TRPM7: variants seen among roughly 807,000 people sequenced by gnomAD.
The protein encoded by TRPM7 is transient receptor potential cation channel subfamily M member 7, also known as LTRPC ion channel family member 7.
TRPM7 carries 134 observed loss-of-function variants against 229.7 expected under a neutral mutation model. The observed-to-expected ratio is 0.58, with a 90% confidence interval of 0.51 to 0.67. The LOEUF is 0.67. Ranked by LOEUF, TRPM7 falls within the 30% of genes least tolerant of loss-of-function variation. The pLI is 0.00. For missense variants in TRPM7, 1,901 were observed against 2,210.0 expected (o/e 0.86, Z 2.80); for synonymous variants, 699 against 715.2 (o/e 0.98, Z 0.36).
intron 27 of TRPM7, among the ~76,000 whole-genome samples, chr15:50,587,560 C>T (rs536857484): frequency 2.0e-5 from 3 of 151,886 alleles, no homozygotes; most frequent in Non-Finnish European, 4.4e-5. Context: ...ATTTTCAGCA[C>T]GTTTTTTCTT....
At chr15:50,653,123 C>T (rs879764779) in intron 3 of TRPM7, among the ~76,000 whole-genome samples, 3 of 152,038 alleles carry the variant, frequency 2.0e-5, no homozygotes, top group Non-Finnish European at 4.4e-5. Flanking sequence ...CAGTCTGGGC[C>T]ACAGAGTGAG....
chr15:50,589,543 G>T, intron 27 of TRPM7, 49 bp downstream of exon 27: 1 of 1,270,550 alleles, frequency 7.9e-7, no homozygotes, highest in Non-Finnish European at 1.1e-6. Flanking sequence ...TAAACATCAA[G>T]ACAGTAAAAT....
At chr15:50,588,936 G>A (rs2059410721) in intron 27 of TRPM7, among the ~76,000 whole-genome samples, 1 of 152,052 alleles carries the variant, frequency 6.6e-6, no homozygotes, top group African/African-American at 2.4e-5. Flanking sequence ...TAAGAGTCAG[G>A]GTCATGTTCA....
intron 19 of TRPM7, among the ~76,000 whole-genome samples, chr15:50,608,052 C>CAA (rs570861548): frequency 0.067 from 5,088 of 76,014 alleles, 256 homozygotes; most frequent in African/African-American, 0.16. Flanking sequence ...GAGACTCTGT[C>CAA]AAAAAAAAAA....
intron 3 of TRPM7, among the ~76,000 whole-genome samples, chr15:50,655,063 T>A (rs2061523208): frequency 1.1e-5 from 1 of 90,312 alleles, no homozygotes; most frequent in African/African-American, 3.9e-5. Flanking sequence ...ATGGAGAATG[T>A]AGAAATAAGA....
intron 21 of TRPM7, among the ~76,000 whole-genome samples, chr15:50,601,264 T>A (rs931218127): frequency 6.6e-6 from 1 of 152,210 alleles, no homozygotes; most frequent in African/African-American, 2.4e-5. Flanking sequence ...AAAGCCTAAA[T>A]GACAACCACT....
intron 38 of TRPM7, among the ~76,000 whole-genome samples, chr15:50,567,163 T>G (rs1015385597): frequency 1.3e-5 from 2 of 152,092 alleles, no homozygotes. Flanking sequence ...ATTTTTTTAT[T>G]TTTTATTTTT....
intron 3 of TRPM7, among the ~76,000 whole-genome samples, chr15:50,657,530 A>G (rs1439596638): frequency 6.6e-6 from 1 of 151,984 alleles, no homozygotes; most frequent in Non-Finnish European, 1.5e-5. Context: ...CTTCCCATAC[A>G]CTGCTCTCGC....
chr15:50,608,350 C>T (rs1381052078), intron 19 of TRPM7, among the ~76,000 whole-genome samples: 1 of 122,416 alleles, frequency 8.2e-6, no homozygotes, highest in Non-Finnish European at 1.7e-5. Flanking sequence ...AGAATCCTCT[C>T]ATCTGTCTTT....
intron 21 of TRPM7, among the ~76,000 whole-genome samples, chr15:50,603,172 C>A (rs775617424): frequency 1.3e-5 from 2 of 152,094 alleles, no homozygotes; most frequent in Non-Finnish European, 2.9e-5. Context: ...AAGACACATT[C>A]TCTTGGAGGG....
At chr15:50,612,408 TTATA>T in intron 16 of TRPM7, 137 bp downstream of exon 16, 2 of 560,256 alleles carry the variant, frequency 3.6e-6, no homozygotes, top group Non-Finnish European at 5.5e-6. Flanking sequence ...AAATATATAC[TTATA>T]TAATTTTCTG....
chr15:50,639,353 T>C, intron 6 of TRPM7, 71 bp downstream of exon 6: 1 of 1,247,476 alleles, frequency 8.0e-7, no homozygotes, highest in East Asian at 2.8e-5. Flanking sequence ...TATTTTAAAC[T>C]GGCACTATTC....
intron 1 of TRPM7, among the ~76,000 whole-genome samples, chr15:50,674,500 AATT>A (rs2062052866): frequency 6.6e-6 from 1 of 152,080 alleles, no homozygotes; most frequent in African/African-American, 2.4e-5. Context: ...TCCCTTAACA[AATT>A]ATTGTTGCTA....
intron 38 of TRPM7, among the ~76,000 whole-genome samples, chr15:50,568,659 G>C (rs1596056111): frequency 1.3e-5 from 2 of 151,990 alleles, no homozygotes; most frequent in East Asian, 3.9e-4. Context: ...TACAATACTG[G>C]GCATACGAAG....
At chr15:50,681,292 C>T in intron 1 of TRPM7, among the ~76,000 whole-genome samples, 1 of 150,264 alleles carries the variant, frequency 6.7e-6, no homozygotes, top group Non-Finnish European at 1.5e-5. Context: ...CACACACACA[C>T]AAAGCATTCA....
At chr15:50,586,264 G>T in intron 28 of TRPM7, 128 bp downstream of exon 28, 1 of 568,740 alleles carries the variant, frequency 1.8e-6, no homozygotes, top group Non-Finnish European at 3.1e-6. Context: ...CAGTCACTAT[G>T]GCAGATCAGA....
At chr15:50,605,476 T>C (rs17520350) in intron 20 of TRPM7, among the ~76,000 whole-genome samples, 22,226 of 152,258 alleles carry the variant, frequency 0.15, 2,212 homozygotes, top group Admixed American at 0.28. Context: ...ATCCTGGTAG[T>C]AGCTGCCAAA....
intron 13 of TRPM7, among the ~76,000 whole-genome samples, chr15:50,617,698 G>C (rs191274227): frequency 6.6e-6 from 1 of 152,090 alleles, no homozygotes; most frequent in African/African-American, 2.4e-5. Context: ...ACCCAGACTG[G>C]AGTACAGTGG....
intron 36 of TRPM7, among the ~76,000 whole-genome samples, chr15:50,573,931 C>T (rs1596070748): frequency 6.6e-6 from 1 of 151,976 alleles, no homozygotes; most frequent in East Asian, 1.9e-4. Context: ...GTGGCAGGTG[C>T]CTGTAATCCC....
Sources: allele counts gnomAD v4.1 joint callset (sites outside exome capture counted in the v4.1 genomes callset), GRCh38; gene constraint gnomAD v4.1.1; transcripts MANE v1.5; gene names NCBI Gene and HGNC (gene_info 2026-07-23, HGNC 2026-07-21).